FBXO3: variants seen among roughly 807,000 people sequenced by gnomAD.
The protein encoded by FBXO3 is F-box only protein 3.
A neutral mutation model predicts 64.8 loss-of-function variants in FBXO3; 17 were observed. That is an observed-to-expected ratio of 0.26 (90% CI 0.18 to 0.39). FBXO3 has a LOEUF of 0.39. FBXO3 is among the 10% of genes least tolerant of loss of function. FBXO3 has a pLI of 1.00. For synonymous variants in FBXO3, 182 were observed against 201.6 expected, an observed-to-expected ratio of 0.90 and a Z score of 0.82; for missense variants, 420 against 589.9, an observed-to-expected ratio of 0.71 and a Z score of 2.98.
chr11:33,755,633 A>T, intron 5 of FBXO3, 138 bp downstream of exon 5: 1 of 669,554 alleles, frequency 1.5e-6, no homozygotes, highest in Admixed American at 2.4e-5. Flanking sequence ...CAGAATATTA[A>T]CTCTAGTTAG....
At chr11:33,750,474 T>C (rs913403748) in intron 8 of FBXO3, 65 bp downstream of exon 8, 28 of 1,558,906 alleles carry the variant, frequency 1.8e-5, no homozygotes, top group Non-Finnish European at 2.3e-5. Flanking sequence ...AATGGGACAA[T>C]AGCAACATGT....
At chr11:33,762,326 G>A (rs988989534) in intron 3 of FBXO3, among the ~76,000 whole-genome samples, 1 of 152,118 alleles carries the variant, frequency 6.6e-6, no homozygotes, top group Non-Finnish European at 1.5e-5. Flanking sequence ...ATTGAACTCC[G>A]TAACTGCAGA....
At position 33,742,094 on chromosome 11, in the gene FBXO3, G is replaced by A. The variant is rs777626877; in HGVS notation, c.1240-10C>T. 16 of 1,540,712 alleles carry A rather than the reference G, an allele frequency of 1.0e-5. No individual in the cohort carries two copies. Among genetic ancestry groups the A allele is most frequent in the Non-Finnish European group, 1.2e-5 (14 of 1,146,390 alleles). On this transcript the variant is annotated splice_polypyrimidine_tract_variant and intron_variant, in intron 10 of 10. Transcript: ENST00000265651. Reference sequence around the variant, plus strand: ...CATCAGGACCCATTTCCTTGAAAGAGAAAACAATCTTTTGATAAGAAGAGC... The same window carrying A: ...CATCAGGACCCATTTCCTTGAAAGAAAAAACAATCTTTTGATAAGAAGAGC...
At chr11:33,744,238 T>C (rs184696240) in intron 10 of FBXO3, 2 of 152,216 alleles carry the variant, frequency 1.3e-5, no homozygotes, top group Non-Finnish European at 2.9e-5. Context: ...ATTAATTATC[T>C]TAATGAAGAA....
At position 33,755,942 on chromosome 11, in the gene FBXO3, A is replaced by G; in HGVS notation, c.507T>C (p.Tyr169=). 4.3e-6 allele frequency: 7 copies of G among 1,614,144 alleles called. No homozygotes were observed. The highest frequency in any genetic ancestry group is 5.9e-6 in the Non-Finnish European group (7 of 1,180,002). Residue 169 remains tyrosine (Y), a synonymous_variant, in exon 5 of 11, where the codon TAT becomes TAC. Coordinates refer to ENST00000265651, the MANE Select transcript of FBXO3 (RefSeq NM_012175.4). The part of the protein sequence containing the change: ...LLGSMALSNH[Y]RSEDLLDVDT... The stretch of plus-strand genomic sequence containing the variant: ...CGACGTCTAACAAATCTTCAGAACG[A>G]TAGTGATTAGACAGTGCCATGCTTC...
intron 9 of FBXO3, among the ~76,000 whole-genome samples, chr11:33,747,554 C>T (rs1854845993): frequency 6.6e-6 from 1 of 151,166 alleles, no homozygotes; most frequent in Non-Finnish European, 1.5e-5. Flanking sequence ...CTCTGTTGCC[C>T]ACGCTGGAGT....
At chr11:33,746,617 TA>T in intron 10 of FBXO3, 2 of 728,834 alleles carry the variant, frequency 2.7e-6, no homozygotes, top group Non-Finnish European at 4.8e-6. Context: ...TTATAGTCTC[TA>T]AGGTTGGAGT....
Position 33,774,509 on chromosome 11 carries a change from C to T in FBXO3, c.-12G>A. On this transcript the variant is annotated 5_prime_UTR_variant, in exon 1 of 11. Transcript: ENST00000265651. Reference sequence around the variant, plus strand: ...TCCATGGCCGCCATCTTGCCTGGCCCGGTGCAGGTCTGGCCCCGCCCTGGC... The same window carrying T: ...TCCATGGCCGCCATCTTGCCTGGCCTGGTGCAGGTCTGGCCCCGCCCTGGC... 2.6e-6 allele frequency: 4 copies of T among 1,512,020 alleles called. No individual in the cohort carries two copies. Among genetic ancestry groups the T allele is most frequent in the Non-Finnish European group, 1.8e-6 (2 of 1,131,486 alleles). The allele number at this position is 1,512,020 out of a possible 1,614,324, so 93.7% of individuals were successfully genotyped here.
intron 3 of FBXO3, chr11:33,767,616 TC>T (rs1855409678): frequency 6.6e-6 from 1 of 152,240 alleles, no homozygotes; most frequent in African/African-American, 2.4e-5. Context: ...ACTTAGTTTT[TC>T]ATGCCTTGGG....
intron 3 of FBXO3, among the ~76,000 whole-genome samples, chr11:33,760,874 A>G (rs1855225118): frequency 6.6e-6 from 1 of 152,240 alleles, no homozygotes; most frequent in African/African-American, 2.4e-5. Flanking sequence ...GCATGAAGAC[A>G]CAGGAAGGAA....
At chr11:33,762,674 T>TA (rs1020305659) in intron 3 of FBXO3, among the ~76,000 whole-genome samples, 8 of 148,154 alleles carry the variant, frequency 5.4e-5, no homozygotes, top group African/African-American at 2.0e-4. Flanking sequence ...TAAATTCATT[T>TA]AAAAAAATAA....
At chr11:33,769,246 A>AT (rs1208392924) in intron 2 of FBXO3, among the ~76,000 whole-genome samples, 2 of 151,778 alleles carry the variant, frequency 1.3e-5, no homozygotes, top group African/African-American at 2.4e-5. Context: ...CTTTCTACTT[A>AT]TTTTTTTTCA....
rs1590556990 is a variant in FBXO3 at position 33,741,693 on chromosome 11, A to G, written c.*215T>C. 4 of 388,802 alleles carry G rather than the reference A, an allele frequency of 1.0e-5. No homozygotes were observed. Among genetic ancestry groups the G allele is most frequent in the East Asian group, 3.9e-5 (1 of 25,570 alleles). 24.1% of individuals were successfully genotyped at this position (388,802 alleles called of 1,614,324 possible). A position where few individuals can be genotyped will look rare whatever the true frequency, so the allele number is the denominator to read the frequency against. ...TCTTCCACTGACTCCTGGAAGAGAAAAAAAAGATTCCCATTTCTTCCTCTA... is the reference window on the plus strand; with the variant it reads ...TCTTCCACTGACTCCTGGAAGAGAAGAAAAAGATTCCCATTTCTTCCTCTA... On this transcript the variant is annotated 3_prime_UTR_variant, in exon 11 of 11. Coordinates refer to ENST00000265651, the MANE Select transcript of FBXO3 (RefSeq NM_012175.4).
intron 6 of FBXO3, 61 bp downstream of exon 6, chr11:33,754,394 A>T: frequency 7.0e-7 from 1 of 1,426,112 alleles, no homozygotes; most frequent in Non-Finnish European, 9.5e-7. Context: ...TTACCATTTT[A>T]ATTTTTTTAT....
intron 6 of FBXO3, 70 bp downstream of exon 6, chr11:33,754,385 T>C (rs1855037683): frequency 1.5e-6 from 2 of 1,367,896 alleles, no homozygotes; most frequent in Non-Finnish European, 2.0e-6. Context: ...AAAAAGTTTT[T>C]ACCATTTTAA....
Position 33,741,705 on chromosome 11 carries a change from C to T in FBXO3, c.*203G>A. The T allele has an allele frequency of 2.5e-6, 1 of 406,298 alleles. No individual in the cohort carries two copies. The highest frequency in any genetic ancestry group is 4.2e-6 in the Non-Finnish European group (1 of 236,124). 25.2% of individuals were successfully genotyped at this position (406,298 alleles called of 1,614,324 possible). On this transcript the variant is annotated 3_prime_UTR_variant, in exon 11 of 11. Coordinates refer to ENST00000265651, the MANE Select transcript of FBXO3 (RefSeq NM_012175.4). The stretch of plus-strand genomic sequence containing the variant: ...TCCTGGAAGAGAAAAAAAAGATTCC[C>T]ATTTCTTCCTCTACCTCAAAAACAC...
intron 10 of FBXO3, chr11:33,742,574 G>C (rs1436772005): frequency 6.6e-6 from 1 of 152,378 alleles, no homozygotes; most frequent in East Asian, 1.9e-4. Context: ...AACAATCCAA[G>C]ATACAGTTTT....
In FBXO3 at chr11:33,741,818, T is replaced by C; in HGVS notation, c.*90A>G. 2 of 1,281,234 alleles carry C rather than the reference T, an allele frequency of 1.6e-6. No individual in the cohort carries two copies. The highest frequency in any genetic ancestry group is 2.1e-6 in the Non-Finnish European group (2 of 970,396). The allele number at this position is 1,281,234 out of a possible 1,614,324, so 79.4% of individuals were successfully genotyped here. Reference sequence around the variant, plus strand: ...ATATTTCATGCTAGTTTTCCTGCTATATGCAGAGAACAATTTAGTTATTTA... The same window carrying C: ...ATATTTCATGCTAGTTTTCCTGCTACATGCAGAGAACAATTTAGTTATTTA... On this transcript the variant is annotated 3_prime_UTR_variant, in exon 11 of 11. Coordinates refer to ENST00000265651, the MANE Select transcript of FBXO3 (RefSeq NM_012175.4).
At chr11:33,744,861 T>C (rs1038518666) in intron 10 of FBXO3, 8 of 152,368 alleles carry the variant, frequency 5.3e-5, no homozygotes, top group Middle Eastern at 3.4e-3. Context: ...TAAGCATTAA[T>C]ACAATCCACA....
Sources: gnomAD v4.1 joint callset for allele counts (sites outside exome capture counted in the v4.1 genomes callset) on GRCh38, gnomAD v4.1.1 for gene constraint, MANE v1.5 for transcripts, NCBI Gene and HGNC (gene_info 2026-07-23, HGNC 2026-07-21) for gene names.